ARRB1: variants seen among roughly 807,000 people sequenced by gnomAD.
ARRB1 encodes beta-arrestin-1.
In ARRB1, 21 loss-of-function variants were observed where a neutral mutation model predicts 56.8. That is an observed-to-expected ratio of 0.37 (90% confidence interval 0.26 to 0.53). The LOEUF (loss-of-function observed/expected upper bound fraction) is 0.53, where lower values mean the gene tolerates loss of function less well. Ranked by LOEUF, ARRB1 falls within the 20% of genes least tolerant of loss-of-function variation. The pLI, the probability that ARRB1 is intolerant of heterozygous loss-of-function variation, is 0.88. For missense variants in ARRB1, 424 were observed against 553.7 expected (o/e 0.77, Z 2.35); for synonymous variants, 210 against 218.6 (o/e 0.96, Z 0.35).
intron 14 of ARRB1, 141 bp from the exon 15 acceptor site, chr11:75,267,844 G>T: frequency 1.4e-6 from 1 of 719,536 alleles, no homozygotes; most frequent in Non-Finnish European, 2.4e-6. Context: ...GATGGGGGAG[G>T]ACTCATTCCT....
In ARRB1 at chr11:75,274,152, G is replaced by A. The variant is rs1162094100; in HGVS notation, c.836C>T (p.Ala279Val). 1.9e-6 allele frequency: 3 copies of A among 1,614,102 alleles called. No homozygotes were observed. Among genetic ancestry groups the A allele is most frequent in the South Asian group, 1.1e-5 (1 of 91,094 alleles). Residue 279 changes from alanine (A) to valine (V), a missense_variant, in exon 11 of 16, where the codon GCC becomes GTC. Coordinates refer to ENST00000420843, the MANE Select transcript of ARRB1 (RefSeq NM_004041.5). ...GAGGCCCCGCTTCTCTCGGTTATTG[G>A]CTAGGAAGGGGGTCAGTGTGTAGAC... ...CKVYTLTPFL[A>V]NNREKRGLAL...
rs1237246372 is a variant in ARRB1 at position 75,331,677 on chromosome 11, CT to C, written c.20+19910del. 3.0e-4 allele frequency among the ~76,000 whole-genome samples: 46 copies of C among 152,074 alleles called. 1 individual carries two copies. Among genetic ancestry groups the C allele is most frequent in the South Asian group, 2.1e-3 (10 of 4,816 alleles). On this transcript the variant is annotated intron_variant, in intron 1 of 15. Transcript: ENST00000420843. ...CAAATCTTATAAAACGGCCCCACCC[CT>C]ATCCCCCTCCACTGACTCTCTTTTC...
intron 2 of ARRB1, among the ~76,000 whole-genome samples, chr11:75,289,261 A>C (rs1946550981): frequency 6.6e-6 from 1 of 152,198 alleles, no homozygotes; most frequent in Non-Finnish European, 1.5e-5. Flanking sequence ...CAGCTGCTTA[A>C]GATTCCCACA....
At chr11:75,280,474 C>G (rs917849036) in intron 7 of ARRB1, among the ~76,000 whole-genome samples, 2 of 152,192 alleles carry the variant, frequency 1.3e-5, no homozygotes, top group Admixed American at 6.5e-5. Context: ...GAGCACAGCC[C>G]GACCCAGGAG....
At chr11:75,323,195 G>A (rs981871843) in intron 1 of ARRB1, among the ~76,000 whole-genome samples, 6 of 152,198 alleles carry the variant, frequency 3.9e-5, no homozygotes, top group African/African-American at 1.4e-4. Context: ...CTGCCCAGCG[G>A]AGCTCTTCCC....
chr11:75,274,515 G>A (rs371880255), intron 10 of ARRB1: 1 of 263,572 alleles, frequency 3.8e-6, no homozygotes, highest in East Asian at 7.7e-5. Flanking sequence ...CAGCCAGCCG[G>A]GTGCAGTGGC....
Position 75,283,450 on chromosome 11 carries a change from C to A in ARRB1, c.191G>T (p.Gly64Val). The change falls in exon 5 of 16, where the codon GGC (glycine) becomes GTC (valine). Residue 64 changes from glycine to valine, a missense_variant. Transcript: ENST00000420843. ...YVTLTCAFRY[G>V]REDLDVLGLT... ...GCCCAGGACATCCAGGTCCTCCCGGCCATAGCGGAAGGCGCAGGTCAGCGT... is the reference window on the plus strand; with the variant it reads ...GCCCAGGACATCCAGGTCCTCCCGGACATAGCGGAAGGCGCAGGTCAGCGT... 6.2e-7 allele frequency: 1 copy of A among 1,613,536 alleles called. No individual in the cohort carries two copies. The highest frequency in any genetic ancestry group is 8.5e-7 in the Non-Finnish European group (1 of 1,179,618).
At chr11:75,313,208 G>T (rs532991858) in intron 1 of ARRB1, among the ~76,000 whole-genome samples, 1 of 152,108 alleles carries the variant, frequency 6.6e-6, no homozygotes, top group African/African-American at 2.4e-5. Flanking sequence ...CAAAAATTAC[G>T]GGCGTGGTGG....
intron 1 of ARRB1, among the ~76,000 whole-genome samples, chr11:75,310,933 C>A (rs764293460): frequency 1.8e-4 from 28 of 152,156 alleles, no homozygotes; most frequent in Non-Finnish European, 3.8e-4. Flanking sequence ...ACCACAGTGA[C>A]CTTAAGGAGC....
intron 1 of ARRB1, among the ~76,000 whole-genome samples, chr11:75,309,573 C>A (rs1017882518): frequency 2.6e-5 from 4 of 152,182 alleles, no homozygotes; most frequent in Non-Finnish European, 5.9e-5. Context: ...TGGCCTTGGG[C>A]AGGTCCTTGT....
chr11:75,286,498 C>T (rs1002286799), intron 3 of ARRB1, among the ~76,000 whole-genome samples: 4 of 151,798 alleles, frequency 2.6e-5, no homozygotes, highest in African/African-American at 9.7e-5. Context: ...TGGTCTCAAA[C>T]TCCTGACCTT....
chr11:75,290,127 A>T lies in ARRB1; in HGVS notation c.21-88T>A, dbSNP rs1946572446. 3.2e-6 allele frequency: 5 copies of T among 1,553,676 alleles called. No individual in the cohort carries two copies. In the South Asian group the frequency reaches 5.6e-5, roughly 17 times the overall value. On this transcript the variant is annotated intron_variant, in intron 1 of 15. Coordinates refer to ENST00000420843, the MANE Select transcript of ARRB1 (RefSeq NM_004041.5). ...GGGCCACCTTGAGGCAGGACTGGGG[A>T]CCAGGGCTGGAGTGACTGACAGGCA...
chr11:75,304,873 G>A (rs557623748), intron 1 of ARRB1, among the ~76,000 whole-genome samples: 87 of 150,958 alleles, frequency 5.8e-4, no homozygotes, highest in Admixed American at 9.9e-4. Context: ...AGACCAGGCT[G>A]GGCAACAACC....
At chr11:75,266,892 G>C (rs565376235) in intron 15 of ARRB1, among the ~76,000 whole-genome samples, 1 of 152,180 alleles carries the variant, frequency 6.6e-6, no homozygotes, top group African/African-American at 2.4e-5. Context: ...GGGGGCAGAG[G>C]ACCTGTTCGT....
intron 1 of ARRB1, among the ~76,000 whole-genome samples, chr11:75,346,968 T>C (rs1453471527): frequency 2.6e-5 from 4 of 152,184 alleles, no homozygotes; most frequent in Non-Finnish European, 5.9e-5. Context: ...AGCCAGATGG[T>C]AGGCGCGGGC....
rs2140389258 is a variant in ARRB1, at chr11:75,265,684, C to G, written c.*479G>C. 1 of 178,626 alleles carries G rather than the reference C, an allele frequency of 5.6e-6. No individual in the cohort carries two copies. The highest frequency in any genetic ancestry group is 1.2e-4 in the South Asian group (1 of 8,570). The allele number at this position is 178,626 out of a possible 1,614,324, so 11.1% of individuals were successfully genotyped here. The stretch of plus-strand genomic sequence containing the variant: ...ATTGAGAATCTGTCCACAGTTCTGC[C>G]CCTCCCAGCCAGAAGGAGGTGGCCT... On this transcript the variant is annotated 3_prime_UTR_variant, in exon 16 of 16. Transcript: ENST00000420843.
At chr11:75,347,550 G>A (rs977830626) in intron 1 of ARRB1, among the ~76,000 whole-genome samples, 3 of 152,342 alleles carry the variant, frequency 2.0e-5, no homozygotes, top group African/African-American at 4.8e-5. Context: ...CAGAAAGGAC[G>A]CACAACTTGA....
At chr11:75,273,434 G>A (rs1946116722) in intron 11 of ARRB1, among the ~76,000 whole-genome samples, 1 of 152,192 alleles carries the variant, frequency 6.6e-6, no homozygotes, top group South Asian at 2.1e-4. Flanking sequence ...TGGGTAGGGT[G>A]TGAGCCAGGG....
At chr11:75,285,451 C>T (rs1054590643) in intron 3 of ARRB1, among the ~76,000 whole-genome samples, 2 of 152,206 alleles carry the variant, frequency 1.3e-5, no homozygotes, top group Non-Finnish European at 2.9e-5. Context: ...TTTCCTCTCT[C>T]TCTCCCCCTA....
Sources: gnomAD v4.1 joint callset for allele counts (sites outside exome capture counted in the v4.1 genomes callset) on GRCh38, gnomAD v4.1.1 for gene constraint, MANE v1.5 for transcripts, NCBI Gene and HGNC (gene_info 2026-07-23, HGNC 2026-07-21) for gene names.